Variants in PSD3 observed in about 807,000 individuals in gnomAD.
The protein encoded by PSD3 is pleckstrin and Sec7 domain containing 3.
In PSD3, 49 loss-of-function variants were observed where a neutral mutation model predicts 105.5. The observed-to-expected ratio is 0.46, with a 90% CI of 0.37 to 0.59. The LOEUF is 0.59. Among genes scored for constraint, PSD3 ranks in the 20% least tolerant of loss-of-function variants. The pLI is 0.00. For synonymous variants in PSD3, 557 were observed against 457.8 expected (o/e 1.22, Z -2.77); for missense variants, 1,561 against 1,263.8 (o/e 1.24, Z -3.57).
At chr8:18,787,029 T>C (rs1433266998) in intron 8 of PSD3, among the ~76,000 whole-genome samples, 1 of 152,244 alleles carries the variant, frequency 6.6e-6, no homozygotes, top group Admixed American at 6.5e-5. Flanking sequence ...CCTTGTCATG[T>C]ACCAGGCTGT....
chr8:18,669,822 A>T (rs1799678591), intron 9 of PSD3, among the ~76,000 whole-genome samples: 1 of 152,268 alleles, frequency 6.6e-6, no homozygotes, highest in Admixed American at 6.5e-5. Context: ...GTATTAATAC[A>T]GTAAAGTATT....
chr8:18,635,942 G>A (rs764458250), intron 10 of PSD3, among the ~76,000 whole-genome samples: 2 of 152,110 alleles, frequency 1.3e-5, no homozygotes, highest in Non-Finnish European at 2.9e-5. Context: ...CCTAATGCAC[G>A]TGGGGCTTAA....
intron 9 of PSD3, chr8:18,683,729 CCT>C (rs774996638): frequency 1.3e-6 from 1 of 753,416 alleles, no homozygotes; most frequent in Non-Finnish European, 2.4e-6. Context: ...ATTCTGTTGC[CCT>C]GCCACACAGC....
At chr8:18,562,913 G>T (rs564118016) in intron 14 of PSD3, among the ~76,000 whole-genome samples, 260 of 18,116 alleles carry the variant, frequency 0.014, no homozygotes, top group Non-Finnish European at 0.035. Flanking sequence ...AAAAGAAAAA[G>T]AAAAAGAAAA....
intron 15 of PSD3, among the ~76,000 whole-genome samples, chr8:18,554,305 G>A (rs1800940674): frequency 6.6e-6 from 1 of 152,222 alleles, no homozygotes. Context: ...AATAATGATT[G>A]CTTTTTGAGA....
intron 1 of PSD3, among the ~76,000 whole-genome samples, chr8:19,059,082 C>T (rs1223538826): frequency 1.3e-5 from 2 of 152,172 alleles, no homozygotes; most frequent in Non-Finnish European, 2.9e-5. Flanking sequence ...GAACGCTGCC[C>T]ATGGAAATTC....
intron 8 of PSD3, among the ~76,000 whole-genome samples, chr8:18,791,418 A>G (rs182649994): frequency 2.0e-5 from 3 of 152,296 alleles, no homozygotes; most frequent in East Asian, 3.9e-4. Context: ...ACCCAGAAAT[A>G]AGACTGCATG....
intron 4 of PSD3, among the ~76,000 whole-genome samples, chr8:18,824,481 G>A (rs961752552): frequency 1.3e-5 from 2 of 152,066 alleles, no homozygotes; most frequent in African/African-American, 4.8e-5. Flanking sequence ...TGCCTTACAG[G>A]GTTACTGTGG....
At position 18,699,963 on chromosome 8, in the gene PSD3, T is replaced by C. The variant is rs761999885; in HGVS notation, c.2173-44278A>G. ...GCAACTGATTAACTTTTTGAAATTATTCTCAACTATAAATTCTACCCCATC... is the reference window on the plus strand; with the variant it reads ...GCAACTGATTAACTTTTTGAAATTACTCTCAACTATAAATTCTACCCCATC... On this transcript the variant is annotated intron_variant, in intron 9 of 15. Transcript: ENST00000327040. Among the ~76,000 whole-genome samples, 61 of 152,298 alleles carry C rather than the reference T, an allele frequency of 4.0e-4. 1 individual carries two copies. The Middle Eastern group carries it at 0.024, about 59-fold the overall frequency.
chr8:18,886,585 A>C (rs1818466140), intron 2 of PSD3, among the ~76,000 whole-genome samples: 1 of 152,198 alleles, frequency 6.6e-6, no homozygotes, highest in Non-Finnish European at 1.5e-5. Context: ...GCCTGCATAG[A>C]CCTACAAATA....
intron 10 of PSD3, among the ~76,000 whole-genome samples, chr8:18,641,960 T>C (rs1162905688): frequency 6.6e-6 from 1 of 152,130 alleles, no homozygotes; most frequent in Non-Finnish European, 1.5e-5. Flanking sequence ...AAATATGAAT[T>C]GCATTCTATT....
At chr8:18,728,653 G>T (rs1803505527) in intron 9 of PSD3, among the ~76,000 whole-genome samples, 1 of 152,148 alleles carries the variant, frequency 6.6e-6, no homozygotes, top group Non-Finnish European at 1.5e-5. Flanking sequence ...GACTTTCAAG[G>T]GCCAAGCAGT....
intron 1 of PSD3, among the ~76,000 whole-genome samples, chr8:18,981,328 T>C (rs561553238): frequency 1.1e-4 from 16 of 152,342 alleles, no homozygotes; most frequent in African/African-American, 3.6e-4. Context: ...CCACTCATTA[T>C]TGAAGCAGAA....
chr8:18,942,017 CA>C (rs1468198164), intron 1 of PSD3, among the ~76,000 whole-genome samples: 2 of 151,846 alleles, frequency 1.3e-5, no homozygotes, highest in African/African-American at 4.8e-5. Flanking sequence ...GTAAAAAAAT[CA>C]AAAAGACGAA....
chr8:18,705,889 A>C (rs1384963743), intron 9 of PSD3, among the ~76,000 whole-genome samples: 2 of 152,202 alleles, frequency 1.3e-5, no homozygotes, highest in African/African-American at 4.8e-5. Flanking sequence ...TTTGTGATCA[A>C]GAGTATCAAA....
chr8:18,797,138 T>C (rs935175061), intron 8 of PSD3, among the ~76,000 whole-genome samples: 2 of 152,142 alleles, frequency 1.3e-5, no homozygotes, highest in African/African-American at 4.8e-5. Context: ...GGTTAGTTCT[T>C]ATGATAGCTA....
At chr8:18,952,157 T>C (rs188025955) in intron 1 of PSD3, among the ~76,000 whole-genome samples, 1 of 151,910 alleles carries the variant, frequency 6.6e-6, no homozygotes, top group Non-Finnish European at 1.5e-5. Flanking sequence ...CACCAAGAGG[T>C]GTCCTCAATT....
At chr8:18,538,172 G>C (rs182004980) in intron 15 of PSD3, among the ~76,000 whole-genome samples, 2 of 152,312 alleles carry the variant, frequency 1.3e-5, no homozygotes, top group African/African-American at 4.8e-5. Context: ...TGTTAAATAT[G>C]AATAATAAAT....
At chr8:18,983,824 C>T (rs374056336) in intron 1 of PSD3, among the ~76,000 whole-genome samples, 19 of 151,322 alleles carry the variant, frequency 1.3e-4, no homozygotes, top group African/African-American at 2.2e-4. Flanking sequence ...CATAGCCAGA[C>T]GCCGTCTCTA....
Sources: gnomAD v4.1 joint callset for allele counts (sites outside exome capture counted in the v4.1 genomes callset) on GRCh38, gnomAD v4.1.1 for gene constraint, MANE v1.5 for transcripts, NCBI Gene and HGNC (gene_info 2026-07-23, HGNC 2026-07-21) for gene names.